ULK4: variants seen among roughly 807,000 people sequenced by gnomAD.
The protein encoded by ULK4 is inactive serine/threonine-protein kinase ULK4.
Under a neutral mutation model 160.6 loss-of-function variants are expected in ULK4, and 133 were observed. That is an observed-to-expected ratio of 0.83 (90% confidence interval 0.72 to 0.96). The LOEUF (loss-of-function observed/expected upper bound fraction) is 0.96. Among genes scored for constraint, ULK4 ranks in the 40% least tolerant of loss-of-function variants. ULK4 has a pLI of 0.00. For synonymous variants in ULK4, 534 were observed against 539.8 expected (o/e 0.99, Z 0.15); for missense variants, 1,580 against 1,499.5 (o/e 1.05, Z -0.89).
intron 35 of ULK4, among the ~76,000 whole-genome samples, chr3:41,291,996 A>G (rs1164365963): frequency 6.7e-6 from 1 of 149,032 alleles, no homozygotes; most frequent in Non-Finnish European, 1.5e-5. Flanking sequence ...ATGCCCGGCT[A>G]TTTTTTTTTG....
chr3:41,601,822 T>C (rs768250198), intron 31 of ULK4, among the ~76,000 whole-genome samples: 17 of 152,032 alleles, frequency 1.1e-4, no homozygotes, highest in Admixed American at 1.3e-4. Flanking sequence ...TCAGAAGAGA[T>C]TAAGGCAATA....
intron 17 of ULK4, among the ~76,000 whole-genome samples, chr3:41,862,804 T>C (rs1175364904): frequency 2.9e-5 from 4 of 138,360 alleles, no homozygotes; most frequent in Non-Finnish European, 6.3e-5. Context: ...CCCCCCTTTC[T>C]CTCTCTCTCT....
chr3:41,524,101 T>TA (rs1389430481), intron 32 of ULK4, among the ~76,000 whole-genome samples: 1 of 152,156 alleles, frequency 6.6e-6, no homozygotes, highest in African/African-American at 2.4e-5. Flanking sequence ...AGTAGCTTAG[T>TA]GGTTGTCTAG....
chr3:41,530,725 C>A (rs1344211025), intron 32 of ULK4, among the ~76,000 whole-genome samples: 1 of 152,170 alleles, frequency 6.6e-6, no homozygotes. Context: ...ACTAGAATAA[C>A]TGAATACATT....
At chr3:41,585,114 C>A (rs1033839653) in intron 31 of ULK4, among the ~76,000 whole-genome samples, 2 of 151,942 alleles carry the variant, frequency 1.3e-5, no homozygotes, top group African/African-American at 4.8e-5. Flanking sequence ...AGATTCAATG[C>A]AATCTCTATA....
At chr3:41,679,407 A>T (rs1056462109) in intron 29 of ULK4, among the ~76,000 whole-genome samples, 1 of 152,234 alleles carries the variant, frequency 6.6e-6, no homozygotes, top group Non-Finnish European at 1.5e-5. Flanking sequence ...CTTATACGCT[A>T]CAACAGAATC....
intron 22 of ULK4, among the ~76,000 whole-genome samples, chr3:41,738,407 T>C (rs1418216281): frequency 2.6e-5 from 4 of 151,940 alleles, no homozygotes; most frequent in Non-Finnish European, 5.9e-5. Flanking sequence ...AAACAGTTCA[T>C]GTTCACTGCC....
At position 41,462,992 on chromosome 3, in the gene ULK4, A is replaced by G; in HGVS notation, c.3393+95T>C. ...GAATTATACATTCTTTTAAATAAGT[A>G]AAGACACAATAGAGGAAGATAAGAA... On this transcript the variant is annotated intron_variant, in intron 33 of 36. Coordinates refer to ENST00000301831, the MANE Select transcript of ULK4 (RefSeq NM_017886.4). 7 of 1,404,692 alleles carry G rather than the reference A, an allele frequency of 5.0e-6. No individual in the cohort carries two copies. In the South Asian group the frequency reaches 5.7e-5, roughly 11 times the overall value. 87.0% of individuals were successfully genotyped at this position (1,404,692 alleles called of 1,614,324 possible).
Position 41,907,816 on chromosome 3 carries a change from T to C in ULK4, c.1182+29A>G, listed in dbSNP as rs752245244. ...TTCTTGTGAGCTTCTACATCTTATG[T>C]AGGAAGAAAATTTCCCAAGTCTGCT... On this transcript the variant is annotated intron_variant, in intron 12 of 36. Coordinates refer to ENST00000301831, the MANE Select transcript of ULK4 (RefSeq NM_017886.4). 1.8e-5 allele frequency: 26 copies of C among 1,452,494 alleles called. No individual in the cohort carries two copies. In the African/African-American group the frequency reaches 3.0e-4, roughly 17 times the overall value. The allele number at this position is 1,452,494 out of a possible 1,614,324, so 90.0% of individuals were successfully genotyped here.
At chr3:41,477,324 T>C (rs994555997) in intron 32 of ULK4, among the ~76,000 whole-genome samples, 1 of 152,252 alleles carries the variant, frequency 6.6e-6, no homozygotes, top group Non-Finnish European at 1.5e-5. Context: ...TTTCACAATC[T>C]GTTAGAGAGC....
intron 30 of ULK4, among the ~76,000 whole-genome samples, chr3:41,642,117 G>A (rs982493375): frequency 6.6e-6 from 1 of 151,978 alleles, no homozygotes; most frequent in Non-Finnish European, 1.5e-5. Flanking sequence ...CAGGTGATCC[G>A]CCTGCCTAGG....
intron 35 of ULK4, among the ~76,000 whole-genome samples, chr3:41,360,008 A>C (rs1385114364): frequency 6.6e-6 from 1 of 152,160 alleles, no homozygotes; most frequent in Admixed American, 6.5e-5. Context: ...AAAGGGAGAA[A>C]ATTTTTTCAA....
intron 35 of ULK4, among the ~76,000 whole-genome samples, chr3:41,333,075 C>A (rs1575441115): frequency 6.6e-6 from 1 of 152,184 alleles, no homozygotes; most frequent in Non-Finnish European, 1.5e-5. Context: ...TAAACCCCAA[C>A]AACATGAGAA....
intron 31 of ULK4, among the ~76,000 whole-genome samples, chr3:41,592,051 A>C (rs35249636): frequency 0.13 from 19,379 of 152,212 alleles, 1,617 homozygotes; most frequent in Admixed American, 0.19. Context: ...ATATATCAGA[A>C]AAGCCGAGAG....
At chr3:41,609,565 G>A (rs1361591285) in intron 31 of ULK4, among the ~76,000 whole-genome samples, 2 of 152,160 alleles carry the variant, frequency 1.3e-5, no homozygotes, top group African/African-American at 2.4e-5. Flanking sequence ...TTCTTCAATC[G>A]GTAAAAGCCC....
At chr3:41,599,857 G>C (rs1176216926) in intron 31 of ULK4, among the ~76,000 whole-genome samples, 2 of 152,014 alleles carry the variant, frequency 1.3e-5, no homozygotes, top group Admixed American at 1.3e-4. Flanking sequence ...GAGCCACCGT[G>C]CCTGGCAGAA....
At chr3:41,450,999 A>G (rs569051462) in intron 34 of ULK4, among the ~76,000 whole-genome samples, 1 of 152,234 alleles carries the variant, frequency 6.6e-6, no homozygotes, top group Admixed American at 6.5e-5. Flanking sequence ...AGCTGAGAAA[A>G]ACCTCTCAGA....
intron 35 of ULK4, among the ~76,000 whole-genome samples, chr3:41,261,212 G>A (rs1216556827): frequency 6.6e-6 from 1 of 152,098 alleles, no homozygotes; most frequent in Non-Finnish European, 1.5e-5. Flanking sequence ...AAAACGGCTT[G>A]GGATTTGCGT....
At chr3:41,739,080 G>A (rs572215906) in intron 22 of ULK4, among the ~76,000 whole-genome samples, 4 of 151,986 alleles carry the variant, frequency 2.6e-5, no homozygotes, top group South Asian at 4.2e-4. Flanking sequence ...TAAACATTAC[G>A]ATTGAAACCA....
Sources: allele counts gnomAD v4.1 joint callset (sites outside exome capture counted in the v4.1 genomes callset), GRCh38; gene constraint gnomAD v4.1.1; transcripts MANE v1.5; gene names NCBI Gene and HGNC (gene_info 2026-07-23, HGNC 2026-07-21).